SPDYE3: variants seen among roughly 807,000 people sequenced by gnomAD.
SPDYE3 encodes the protein speedy protein E3.
A neutral mutation model predicts 55.0 loss-of-function variants in SPDYE3; 15 were observed. The observed-to-expected ratio is 0.27, with a 90% confidence interval of 0.18 to 0.42. The LOEUF is 0.42. Ranked by LOEUF, SPDYE3 falls within the 10% of genes least tolerant of loss-of-function variation. The pLI is 1.00. For synonymous variants in SPDYE3, 89 were observed against 229.9 expected, an observed-to-expected ratio of 0.39 and a Z score of 5.55; for missense variants, 236 against 576.7, an observed-to-expected ratio of 0.41 and a Z score of 6.05.
At position 100,314,723 on chromosome 7, in the gene SPDYE3, T is replaced by G. The variant is rs1476369786; in HGVS notation, c.1174T>G (p.Tyr392Asp). ...GCGAGTGTCGCTCGTGCTCCCTGAGTACTACGAGGCCTTCAACAGGCTGCT... is the reference window on the plus strand; with the variant it reads ...GCGAGTGTCGCTCGTGCTCCCTGAGGACTACGAGGCCTTCAACAGGCTGCT... Reference protein sequence around the residue: ...RRRVSLVLPEYYEAFNRLLED... With the variant: ...RRRVSLVLPEDYEAFNRLLED... The change falls in exon 6 of 11, where the codon TAC becomes GAC. Residue 392 changes from tyrosine (Y) to aspartate (D), a missense_variant. By Grantham distance (160) the Tyr-to-Asp change is radical. Coordinates refer to ENST00000332397, the MANE Select transcript of SPDYE3 (RefSeq NM_001004351.5). The G allele has an allele frequency of 9.0e-7, 1 of 1,116,262 alleles. No individual in the cohort carries two copies. Among genetic ancestry groups the G allele is most frequent in the African/African-American group, 1.9e-5 (1 of 53,750 alleles). The allele number at this position is 1,116,262 out of a possible 1,614,324, so 69.1% of individuals were successfully genotyped here.
intron 7 of SPDYE3, among the ~76,000 whole-genome samples, chr7:100,316,622 C>T (rs1483074946): frequency 1.3e-5 from 2 of 152,144 alleles, no homozygotes; most frequent in Non-Finnish European, 2.9e-5. Flanking sequence ...GTCAGCATCT[C>T]CCTCAGGACT....
chr7:100,316,498 G>C (rs1178109646), intron 7 of SPDYE3, among the ~76,000 whole-genome samples: 1 of 152,198 alleles, frequency 6.6e-6, no homozygotes, highest in Non-Finnish European at 1.5e-5. Flanking sequence ...GTGTTGCCCA[G>C]GTTGTTCTCC....
intron 10 of SPDYE3, chr7:100,320,626 G>A (rs1300726038): frequency 7.7e-6 from 8 of 1,044,260 alleles, no homozygotes; most frequent in Non-Finnish European, 6.0e-6. Flanking sequence ...CTACTCCCTG[G>A]GAAGACCCAC....
rs999810457 is a variant in SPDYE3 at position 100,320,914 on chromosome 7, G to A, written c.*69G>A. 7 of 1,233,740 alleles carry A rather than the reference G, an allele frequency of 5.7e-6. No individual in the cohort carries two copies. Among genetic ancestry groups the A allele is most frequent in the Admixed American group, 1.9e-5 (1 of 52,284 alleles). The allele number at this position is 1,233,740 out of a possible 1,614,324, so 76.4% of individuals were successfully genotyped here. ...AGAACACCGGACCCAGGGGAGATGT[G>A]GATTTTCAGCAGGAACTTTATTCCA... On this transcript the variant is annotated 3_prime_UTR_variant, in exon 11 of 11. Coordinates refer to ENST00000332397, the MANE Select transcript of SPDYE3 (RefSeq NM_001004351.5).
chr7:100,320,025 C>T lies in SPDYE3; in HGVS notation c.*35C>T, dbSNP rs1289377219. 1 of 1,605,324 alleles carries T rather than the reference C, an allele frequency of 6.2e-7. No individual in the cohort carries two copies. Among genetic ancestry groups the T allele is most frequent in the Non-Finnish European group, 8.5e-7 (1 of 1,179,626 alleles). ...GACCGTGGAGGCCTGAGGTCATCGG[C>T]CTGAGAGAAGGTACATCTGCATCCT... On this transcript the variant is annotated 3_prime_UTR_variant, in exon 10 of 11. Transcript: ENST00000332397.
chr7:100,308,061 A>G (rs28401739), intron 1 of SPDYE3, 70 bp downstream of exon 1: 274,257 of 1,474,428 alleles, frequency 0.19, 26,943 homozygotes, highest in African/African-American at 0.3. Context: ...CAGGTGCGGT[A>G]GCTCACCCCT....
chr7:100,312,406 A>G (rs919989718), intron 4 of SPDYE3, among the ~76,000 whole-genome samples: 1 of 144,396 alleles, frequency 6.9e-6, no homozygotes, highest in African/African-American at 2.6e-5. Context: ...CTGAGACAGG[A>G]GAATCGCTTG....
rs1463949235 is a variant in SPDYE3, at chr7:100,319,653, C to A, written c.1435C>A (p.Pro479Thr). ...GTACGGGAAGACCCACTCTCACATA[C>A]CCTTGCGCCCTAAGCATTGGTTCCA... The part of the protein sequence containing the change: ...FLYGKTHSHI[P>T]LRPKHWFQLC... The change falls in exon 9 of 11, where the codon CCC (proline) becomes ACC (threonine). Residue 479 changes from proline to threonine, a missense_variant. Pro to Thr is a conservative substitution (Grantham distance 38). Coordinates refer to ENST00000332397, the MANE Select transcript of SPDYE3 (RefSeq NM_001004351.5). 3 of 1,614,240 alleles carry A rather than the reference C, an allele frequency of 1.9e-6. No homozygotes were observed. The highest frequency in any genetic ancestry group is 2.5e-6 in the Non-Finnish European group (3 of 1,180,046).
At chr7:100,317,253 T>A (rs1320556594) in intron 8 of SPDYE3, 98 bp downstream of exon 8, 158 of 1,262,758 alleles carry the variant, frequency 1.3e-4, no homozygotes. Context: ...CACCTATTTG[T>A]CCTCTTTACT....
rs775028135 is a variant in SPDYE3, at chr7:100,315,775, C to G, written c.1202-10C>G. 4 of 1,598,572 alleles carry G rather than the reference C, an allele frequency of 2.5e-6. No individual in the cohort carries two copies. The highest frequency in any genetic ancestry group is 3.3e-5 in the Admixed American group (2 of 59,998). On this transcript the variant is annotated splice_polypyrimidine_tract_variant and intron_variant, in intron 6 of 10. Coordinates refer to ENST00000332397, the MANE Select transcript of SPDYE3 (RefSeq NM_001004351.5). ...TGCTTCTCACGCTGACATCTGCTCT[C>G]TAATCACAGAGGATCCTGTCATTAA... is the stretch of plus-strand genomic sequence containing the variant.
chr7:100,319,747 G>C lies in SPDYE3; in HGVS notation c.1529G>C (p.Arg510Pro), dbSNP rs370742497. 1 of 1,614,188 alleles carries C rather than the reference G, an allele frequency of 6.2e-7. No individual in the cohort carries two copies. Among genetic ancestry groups the C allele is most frequent in the East Asian group, 2.2e-5 (1 of 44,874 alleles). The change falls in exon 9 of 11, where the codon CGG becomes CCG. Residue 510 changes from arginine to proline, a missense_variant. Coordinates refer to ENST00000332397, the MANE Select transcript of SPDYE3 (RefSeq NM_001004351.5). ...CAGATAGCCTTGTTCCAGAAGCGTC[G>C]GTTCCAGTTCTTCTGTTCCATGCGC... ...CSQIALFQKR[R>P]FQFFCSMRCR...
intron 6 of SPDYE3, among the ~76,000 whole-genome samples, chr7:100,315,500 C>G (rs1309540913): frequency 6.6e-6 from 1 of 152,106 alleles, no homozygotes; most frequent in Non-Finnish European, 1.5e-5. Context: ...TATGACTCTG[C>G]AGTGGTCCCT....
At chr7:100,316,035 G>A (rs1438812705) in intron 7 of SPDYE3, among the ~76,000 whole-genome samples, 192 bp downstream of exon 7, 1 of 151,900 alleles carries the variant, frequency 6.6e-6, no homozygotes, top group Non-Finnish European at 1.5e-5. Context: ...GCAGTGTCTC[G>A]ATCTTGACTC....
intron 10 of SPDYE3, chr7:100,320,248 G>C: frequency 8.3e-7 from 1 of 1,200,098 alleles, no homozygotes; most frequent in Admixed American, 2.9e-5. Flanking sequence ...AGCCTGGGAG[G>C]TCGGGGCTGC....
intron 6 of SPDYE3, 33 bp from the exon 7 acceptor site, chr7:100,315,752 C>T (rs1389525851): frequency 3.1e-6 from 5 of 1,598,014 alleles, no homozygotes; most frequent in African/African-American, 1.3e-5. Context: ...CCCTGTCCTG[C>T]TTCTCACGCT....
intron 8 of SPDYE3, among the ~76,000 whole-genome samples, chr7:100,317,404 G>A (rs1806129320): frequency 6.6e-6 from 1 of 152,004 alleles, no homozygotes; most frequent in Admixed American, 6.5e-5. Context: ...TCAGGAGTTT[G>A]AGACCAGCCT....
chr7:100,319,979 C>CA lies in SPDYE3; in HGVS notation c.1640dup (p.His547GlnfsTer38). 3 of 1,609,068 alleles carry CA rather than the reference C, an allele frequency of 1.9e-6. No individual in the cohort carries two copies. The highest frequency in any genetic ancestry group is 2.5e-6 in the Non-Finnish European group (3 of 1,179,524). On this transcript the variant is annotated frameshift_variant, in exon 10 of 11. Coordinates refer to ENST00000332397, the MANE Select transcript of SPDYE3 (RefSeq NM_001004351.5). LOFTEE classifies it high-confidence loss of function. ...CTGGGTGTGGGCGCGAGATCGCGCCCACCTTTCCTAGAGCTCCAGGGACCG... is the reference window on the plus strand; with the variant it reads ...CTGGGTGTGGGCGCGAGATCGCGCCCAACCTTTCCTAGAGCTCCAGGGACCG...
intron 5 of SPDYE3, 200 bp from the exon 6 acceptor site, chr7:100,314,332 C>G (rs1406989970): frequency 7.7e-6 from 4 of 518,660 alleles, no homozygotes; most frequent in Non-Finnish European, 1.4e-5. Context: ...ACGCAGTGTT[C>G]TGAGGACAGA....
Position 100,319,820 on chromosome 7 carries a change from C to G in SPDYE3, c.1590+12C>G, listed in dbSNP as rs1789531462. 6 of 1,595,942 alleles carry G rather than the reference C, an allele frequency of 3.8e-6. No homozygotes were observed. Among genetic ancestry groups the G allele is most frequent in the Non-Finnish European group, 5.1e-6 (6 of 1,171,076 alleles). On this transcript the variant is annotated intron_variant, in intron 9 of 10. Transcript: ENST00000332397. ...AGGAGTTGGAGGAGGTGGGTGGGGC[C>G]TGGGGAGGTGGAGGATGTGGGGAGG...
Sources: allele counts gnomAD v4.1 joint callset (sites outside exome capture counted in the v4.1 genomes callset), GRCh38; gene constraint gnomAD v4.1.1; transcripts MANE v1.5; gene names NCBI Gene and HGNC (gene_info 2026-07-23, HGNC 2026-07-21).